Variants in KCNJ3 observed in about 807,000 individuals in gnomAD.
KCNJ3 encodes the protein potassium inwardly rectifying channel subfamily J member 3, also known as G protein-activated inward rectifier potassium channel 1.
KCNJ3 carries 4 observed loss-of-function variants against 39.2 expected under a neutral mutation model. The observed-to-expected ratio is 0.10, with a 90% CI of 0.05 to 0.23. The LOEUF (loss-of-function observed/expected upper bound fraction) is 0.23. KCNJ3 is among the 10% of genes least tolerant of loss of function. The pLI, the probability that KCNJ3 is intolerant of heterozygous loss-of-function variation, is 1.00. For synonymous variants in KCNJ3, 230 were observed against 237.4 expected (o/e 0.97, Z 0.29); for missense variants, 276 against 634.9 (o/e 0.43, Z 6.08).
intron 2 of KCNJ3, among the ~76,000 whole-genome samples, chr2:154,799,978 A>G (rs1686783647): frequency 6.6e-6 from 1 of 152,182 alleles, no homozygotes; most frequent in Non-Finnish European, 1.5e-5. Context: ...GAGTGGGTTG[A>G]AATTTCAAAT....
At chr2:154,769,320 G>C (rs185193316) in intron 2 of KCNJ3, among the ~76,000 whole-genome samples, 1 of 152,052 alleles carries the variant, frequency 6.6e-6, no homozygotes, top group South Asian at 2.1e-4. Context: ...ATTGGCTGTG[G>C]GTTTGTCATA....
chr2:154,699,348 C>T lies in KCNJ3; in HGVS notation c.573C>T (p.Ala191=), dbSNP rs760175028. 1.2e-6 allele frequency: 2 copies of T among 1,613,282 alleles called. No homozygotes were observed. The highest frequency in any genetic ancestry group is 1.1e-5 in the South Asian group (1 of 91,066). ...FIKMSQPKKR[A]ETLMFSEHAV... The stretch of plus-strand genomic sequence containing the variant: ...AGATGTCCCAGCCCAAGAAGCGCGC[C>T]GAGACCCTCATGTTCAGCGAGCACG... The change falls in exon 1 of 3, where the codon GCC becomes GCT. Residue 191 remains alanine, a synonymous_variant. Transcript: ENST00000295101. This position sits in a 1 kb window ranked among gnomAD's most constrained non-coding sequence, Gnocchi z 6.4.
In KCNJ3 at chr2:154,719,368, C is replaced by T. The variant is rs184362014; in HGVS notation, c.919+9549C>T. ...TAGCCCTTTAAATTTCTGAAGTCTT[C>T]GGAGGTGAATCTTTGTTAATTCAGA... On this transcript the variant is annotated intron_variant, in intron 2 of 2. Coordinates refer to ENST00000295101, the MANE Select transcript of KCNJ3 (RefSeq NM_002239.4). Among the ~76,000 whole-genome samples the T allele has an allele frequency of 2.6e-3, 388 of 152,094 alleles. 3 individuals carry two copies. Among genetic ancestry groups the T allele is most frequent in the African/African-American group, 8.5e-3 (352 of 41,512 alleles).
chr2:154,703,479 A>ATG (rs3138640), intron 1 of KCNJ3, among the ~76,000 whole-genome samples: 5,849 of 148,224 alleles, frequency 0.039, 198 homozygotes, highest in East Asian at 0.12. Context: ...CTCCATATAT[A>ATG]TGTGTGTGTG....
At chr2:154,807,194 T>C (rs145455437) in intron 2 of KCNJ3, among the ~76,000 whole-genome samples, 1 of 152,288 alleles carries the variant, frequency 6.6e-6, no homozygotes, top group African/African-American at 2.4e-5. Flanking sequence ...GATTTCCACA[T>C]TGATCTGAGG....
chr2:154,769,450 G>A (rs1366671102), intron 2 of KCNJ3, among the ~76,000 whole-genome samples: 1 of 152,036 alleles, frequency 6.6e-6, no homozygotes, highest in Non-Finnish European at 1.5e-5. Context: ...ATAATCATGT[G>A]GTTTTCGTCT....
chr2:154,823,969 A>C (rs1687226291), intron 2 of KCNJ3, among the ~76,000 whole-genome samples: 3 of 152,188 alleles, frequency 2.0e-5, no homozygotes, highest in Non-Finnish European at 4.4e-5. Context: ...AGTAAAACTT[A>C]TTGGTGTATA....
chr2:154,837,244 G>A (rs982433042), intron 2 of KCNJ3, among the ~76,000 whole-genome samples: 2 of 146,788 alleles, frequency 1.4e-5, no homozygotes, highest in Non-Finnish European at 3.0e-5. Flanking sequence ...TGATTTGTCA[G>A]CAAATGTATC....
At chr2:154,833,338 TTTG>T (rs1687393615) in intron 2 of KCNJ3, among the ~76,000 whole-genome samples, 1 of 152,214 alleles carries the variant, frequency 6.6e-6, no homozygotes, top group Middle Eastern at 3.2e-3. Flanking sequence ...TTTTTCTGTT[TTTG>T]TTATTTAAAT....
intron 2 of KCNJ3, among the ~76,000 whole-genome samples, chr2:154,819,404 C>A (rs1275168696): frequency 6.6e-6 from 1 of 151,982 alleles, no homozygotes; most frequent in Non-Finnish European, 1.5e-5. Flanking sequence ...GCTTAATTTT[C>A]TTTTTTCTGT....
At chr2:154,769,716 G>A (rs978603904) in intron 2 of KCNJ3, among the ~76,000 whole-genome samples, 12 of 152,042 alleles carry the variant, frequency 7.9e-5, no homozygotes, top group African/African-American at 2.9e-4. Context: ...GGGTTAGGGA[G>A]GATTCCCTCT....
At chr2:154,807,191 A>G (rs1420489597) in intron 2 of KCNJ3, among the ~76,000 whole-genome samples, 1 of 152,154 alleles carries the variant, frequency 6.6e-6, no homozygotes, top group African/African-American at 2.4e-5. Flanking sequence ...AGAGATTTCC[A>G]CATTGATCTG....
At chr2:154,849,316 GTTTT>G (rs566015497) in intron 2 of KCNJ3, among the ~76,000 whole-genome samples, 18 of 152,076 alleles carry the variant, frequency 1.2e-4, no homozygotes, top group African/African-American at 4.3e-4. Flanking sequence ...TTGCTCTTCT[GTTTT>G]TTGTTTTGTT....
intron 2 of KCNJ3, among the ~76,000 whole-genome samples, chr2:154,847,987 C>T (rs1186186616): frequency 6.6e-6 from 1 of 152,102 alleles, no homozygotes; most frequent in Non-Finnish European, 1.5e-5. Flanking sequence ...CACTTCAGAT[C>T]CTTATAGTGA....
chr2:154,810,728 A>G (rs1287694265), intron 2 of KCNJ3, among the ~76,000 whole-genome samples: 1 of 152,192 alleles, frequency 6.6e-6, no homozygotes, highest in East Asian at 1.9e-4. Flanking sequence ...TAAAAATGAA[A>G]CCAAAATTCA....
intron 2 of KCNJ3, among the ~76,000 whole-genome samples, chr2:154,809,847 A>G (rs373517386): frequency 3.9e-5 from 6 of 152,014 alleles, no homozygotes; most frequent in African/African-American, 1.4e-4. Flanking sequence ...AACATTGTCT[A>G]TTTTACATAT....
intron 2 of KCNJ3, among the ~76,000 whole-genome samples, chr2:154,777,576 C>T (rs1028659964): frequency 3.3e-5 from 5 of 152,166 alleles, no homozygotes; most frequent in African/African-American, 1.2e-4. Flanking sequence ...TATAGCTCTG[C>T]ACGATATAGG....
intron 2 of KCNJ3, among the ~76,000 whole-genome samples, chr2:154,720,176 T>G (rs928463250): frequency 6.6e-6 from 1 of 152,044 alleles, no homozygotes; most frequent in African/African-American, 2.4e-5. Flanking sequence ...AAATATCCTC[T>G]TGGGACAGGG....
At chr2:154,772,139 C>A (rs1686253621) in intron 2 of KCNJ3, among the ~76,000 whole-genome samples, 1 of 152,078 alleles carries the variant, frequency 6.6e-6, no homozygotes, top group South Asian at 2.1e-4. Context: ...TTGAGTGAAG[C>A]CGTAAAACAA....
Sources: allele counts gnomAD v4.1 joint callset (sites outside exome capture counted in the v4.1 genomes callset), GRCh38; gene constraint gnomAD v4.1.1; non-coding constraint Gnocchi (gnomAD v3.1); transcripts MANE v1.5; gene names NCBI Gene and HGNC (gene_info 2026-07-23, HGNC 2026-07-21).